Variants in CYP4X1 observed in about 807,000 individuals in gnomAD.
The protein encoded by CYP4X1 is cytochrome P450 4X1.
In CYP4X1, 44 loss-of-function variants were observed where a neutral mutation model predicts 57.9. The ratio of observed to expected loss-of-function variants is 0.76; its 90% CI spans 0.60 to 0.98. CYP4X1 has a LOEUF of 0.98. CYP4X1 is among the 50% of genes least tolerant of loss of function. The pLI, the probability that CYP4X1 is intolerant of heterozygous loss-of-function variation, is 0.00. For missense variants in CYP4X1, 532 were observed against 623.9 expected, an observed-to-expected ratio of 0.85 and a Z score of 1.57; for synonymous variants, 227 against 228.6, an observed-to-expected ratio of 0.99 and a Z score of 0.06.
the CYP4X1 span, among the ~76,000 whole-genome samples, chr1:46,969,236 C>G: frequency 1.3e-5 from 2 of 152,202 alleles, no homozygotes; most frequent in Non-Finnish European, 2.9e-5. Context: ...GGCTCCCCTT[C>G]GCCTTTGCCG....
chr1:47,030,439 A>G (rs1310823865), intron 2 of CYP4X1, among the ~76,000 whole-genome samples: 3 of 152,054 alleles, frequency 2.0e-5, no homozygotes, highest in Admixed American at 2.0e-4. Context: ...TGTCAGCAAC[A>G]CTTCCCACTC....
At chr1:47,037,272 ATTTTTTTT>A (rs34146521) in intron 6 of CYP4X1, among the ~76,000 whole-genome samples, 3 of 115,852 alleles carry the variant, frequency 2.6e-5, no homozygotes, top group South Asian at 6.4e-4. Context: ...AACCTTTTCA[ATTTTTTTT>A]TTTTTTTTTT....
At chr1:47,010,458 T>A in the CYP4X1 span, among the ~76,000 whole-genome samples, 1 of 152,200 alleles carries the variant, frequency 6.6e-6, no homozygotes, top group Non-Finnish European at 1.5e-5. Flanking sequence ...AATATCATAC[T>A]GAATGGGCAA....
the CYP4X1 span, among the ~76,000 whole-genome samples, chr1:46,988,527 C>G: frequency 9.2e-5 from 14 of 152,256 alleles, no homozygotes; most frequent in East Asian, 2.1e-3. Context: ...CTTGCTAAGT[C>G]TTTTTATGAG....
the CYP4X1 span, among the ~76,000 whole-genome samples, chr1:47,015,453 TA>T: frequency 3.3e-5 from 5 of 152,066 alleles, no homozygotes; most frequent in Admixed American, 1.3e-4. Context: ...CAGGATTCTC[TA>T]AAAAAAACTC....
At chr1:47,028,320 C>G (rs1283529964) in intron 1 of CYP4X1, among the ~76,000 whole-genome samples, 1 of 152,112 alleles carries the variant, frequency 6.6e-6, no homozygotes, top group African/African-American at 2.4e-5. Context: ...TTGGGCAGAT[C>G]ATTTAACCTA....
At chr1:47,003,776 G>T in the CYP4X1 span, among the ~76,000 whole-genome samples, 1 of 152,080 alleles carries the variant, frequency 6.6e-6, no homozygotes, top group Non-Finnish European at 1.5e-5. Context: ...CTCCCGCCAG[G>T]ACCCACCTCC....
intron 4 of CYP4X1, 129 bp downstream of exon 4, chr1:47,033,497 T>C: frequency 7.7e-6 from 9 of 1,172,000 alleles, no homozygotes; most frequent in African/African-American, 1.5e-5. Context: ...GTACACGTAC[T>C]TATTGAACAA....
intron 1 of CYP4X1, among the ~76,000 whole-genome samples, chr1:47,028,878 A>G (rs1380984229): frequency 6.6e-6 from 1 of 152,196 alleles, no homozygotes; most frequent in East Asian, 1.9e-4. Flanking sequence ...ATTGTTGAAA[A>G]CCACTACTCT....
At chr1:46,995,616 G>A in the CYP4X1 span, among the ~76,000 whole-genome samples, 11 of 152,238 alleles carry the variant, frequency 7.2e-5, no homozygotes, top group South Asian at 1.2e-3. Flanking sequence ...AAAATTCCTC[G>A]GAAGTTTTAG....
the CYP4X1 span, among the ~76,000 whole-genome samples, chr1:46,965,722 T>A: frequency 6.6e-6 from 1 of 152,086 alleles, no homozygotes; most frequent in East Asian, 1.9e-4. Flanking sequence ...TGGCTTCTTT[T>A]TAGTACAGCA....
chr1:46,965,476 G>T, the CYP4X1 span, among the ~76,000 whole-genome samples: 28 of 152,276 alleles, frequency 1.8e-4, no homozygotes, highest in African/African-American at 6.7e-4. Flanking sequence ...TCTACTGTAG[G>T]GCTGCTGCAG....
At chr1:47,011,428 A>C in the CYP4X1 span, among the ~76,000 whole-genome samples, 2 of 152,222 alleles carry the variant, frequency 1.3e-5, no homozygotes, top group Non-Finnish European at 2.9e-5. Flanking sequence ...TAAAGACTTA[A>C]ATGTTAGACC....
chr1:46,977,660 A>G, the CYP4X1 span, among the ~76,000 whole-genome samples: 1 of 152,058 alleles, frequency 6.6e-6, no homozygotes, highest in East Asian at 1.9e-4. Context: ...GAGCACCCCC[A>G]AGACACATAA....
the CYP4X1 span, among the ~76,000 whole-genome samples, chr1:47,012,363 A>G: frequency 1.3e-4 from 20 of 152,278 alleles, no homozygotes; most frequent in African/African-American, 4.8e-4. Context: ...AACAATGAGA[A>G]CACTTGGACA....
chr1:47,027,985 T>C (rs918455671), intron 1 of CYP4X1, among the ~76,000 whole-genome samples: 1 of 152,232 alleles, frequency 6.6e-6, no homozygotes, highest in African/African-American at 2.4e-5. Flanking sequence ...ATAAACCTAG[T>C]GCATGGTACA....
chr1:46,975,528 G>A, the CYP4X1 span, among the ~76,000 whole-genome samples: 1 of 151,954 alleles, frequency 6.6e-6, no homozygotes, highest in African/African-American at 2.4e-5. Context: ...CTCCTGAAAT[G>A]TCTACTCTTA....
the CYP4X1 span, among the ~76,000 whole-genome samples, chr1:46,968,916 G>A: frequency 6.6e-6 from 1 of 152,184 alleles, no homozygotes; most frequent in Non-Finnish European, 1.5e-5. Flanking sequence ...GAAAATGAAT[G>A]AAATAGAATG....
the CYP4X1 span, chr1:46,961,612 T>C: frequency 1.6e-6 from 2 of 1,286,472 alleles, no homozygotes; most frequent in South Asian, 1.2e-5. Context: ...TGGACCTGTG[T>C]CCTATGCCTG....
Sources: gnomAD v4.1 joint callset for allele counts (sites outside exome capture counted in the v4.1 genomes callset) on GRCh38, gnomAD v4.1.1 for gene constraint, MANE v1.5 for transcripts, NCBI Gene and HGNC (gene_info 2026-07-23, HGNC 2026-07-21) for gene names.